STAU2: variants seen among roughly 807,000 people sequenced by gnomAD.
STAU2 encodes double-stranded RNA-binding protein Staufen homolog 2.
In STAU2, 20 loss-of-function variants were observed where a neutral mutation model predicts 65.9. The observed-to-expected ratio is 0.30, with a 90% CI of 0.21 to 0.44. The LOEUF is 0.44. STAU2 is among the 20% of genes least tolerant of loss of function. STAU2 has a pLI of 1.00. For missense variants in STAU2, 558 were observed against 683.9 expected, an observed-to-expected ratio of 0.82 and a Z score of 2.05; for synonymous variants, 232 against 233.9, an observed-to-expected ratio of 0.99 and a Z score of 0.07.
At chr8:73,664,334 T>C (rs1817072903) in intron 6 of STAU2, among the ~76,000 whole-genome samples, 1 of 152,178 alleles carries the variant, frequency 6.6e-6, no homozygotes, top group South Asian at 2.1e-4. Context: ...TTAAGTATAA[T>C]GTTGAACAGA....
intron 13 of STAU2, among the ~76,000 whole-genome samples, chr8:73,492,625 T>A (rs1292932744): frequency 6.6e-6 from 1 of 151,896 alleles, no homozygotes; most frequent in Non-Finnish European, 1.5e-5. Context: ...ATTCTTGTTA[T>A]TAAAATTCAT....
intron 12 of STAU2, among the ~76,000 whole-genome samples, chr8:73,577,991 C>T (rs188158750): frequency 2.0e-5 from 3 of 151,988 alleles, no homozygotes; most frequent in African/African-American, 4.8e-5. Flanking sequence ...TTTTCTTATG[C>T]GGCTCCTTGA....
intron 6 of STAU2, among the ~76,000 whole-genome samples, chr8:73,654,654 A>AAAAAAAAAAAAAAAAAAAAAAAAAAAC (rs1816174142): frequency 7.1e-6 from 1 of 141,206 alleles, no homozygotes; most frequent in Non-Finnish European, 1.5e-5. Context: ...AAAAAAAAAA[A>AAAAAAAAAAAAAAAAAAAAAAAAAAAC]AAAAAAAGAA....
At chr8:73,654,637 CAAAAAAAAAAAAAA>C (rs71269928) in intron 6 of STAU2, among the ~76,000 whole-genome samples, 1 of 26,308 alleles carries the variant, frequency 3.8e-5, no homozygotes, top group African/African-American at 1.3e-4. Context: ...AAGATTGTCT[CAAAAAAAAAAAAAA>C]AAAAAAAAAA....
intron 13 of STAU2, among the ~76,000 whole-genome samples, chr8:73,465,627 T>C (rs1764397912): frequency 6.6e-6 from 1 of 152,246 alleles, no homozygotes; most frequent in South Asian, 2.1e-4. Flanking sequence ...TTGTTGTGAC[T>C]GATGCTGAAC....
chr8:73,617,412 G>A lies in STAU2; in HGVS notation c.450C>T (p.Leu150=). 1 of 1,613,956 alleles carries A rather than the reference G, an allele frequency of 6.2e-7. No homozygotes were observed. Among genetic ancestry groups the A allele is most frequent in the Non-Finnish European group, 8.5e-7 (1 of 1,179,970 alleles). Residue 150 remains leucine (L), a synonymous_variant, in exon 7 of 15, where the codon CTC becomes CTT. Transcript: ENST00000524300. ...CPVPKIFYVQ[L]TVGNNEFFGE... The stretch of plus-strand genomic sequence containing the variant: ...CAAAAAATTCATTATTTCCTACAGT[G>A]AGCTGAACATAAAAGATCTTAGGCA...
chr8:73,711,582 T>A (rs1820906427), intron 3 of STAU2, among the ~76,000 whole-genome samples: 1 of 152,126 alleles, frequency 6.6e-6, no homozygotes, highest in Non-Finnish European at 1.5e-5. Context: ...AGTGTGAAAA[T>A]TTTATACTAT....
chr8:73,533,880 T>C (rs144715468), intron 13 of STAU2, among the ~76,000 whole-genome samples: 1 of 152,332 alleles, frequency 6.6e-6, no homozygotes, highest in Non-Finnish European at 1.5e-5. Context: ...TGAGTCAAAC[T>C]ACTTCCTGCA....
chr8:73,545,539 T>C (rs984845927), intron 13 of STAU2, among the ~76,000 whole-genome samples: 30 of 152,016 alleles, frequency 2.0e-4, no homozygotes, highest in African/African-American at 7.2e-4. Flanking sequence ...ATTACTAATA[T>C]GATGTTTGAT....
At chr8:73,505,195 T>C (rs2128921748) in intron 13 of STAU2, among the ~76,000 whole-genome samples, 1 of 152,268 alleles carries the variant, frequency 6.6e-6, no homozygotes, top group Middle Eastern at 3.4e-3. Flanking sequence ...GCAGGCTTAA[T>C]CAGAGCTAGA....
At chr8:73,597,669 C>CAAAAAAAA (rs34461371) in intron 10 of STAU2, among the ~76,000 whole-genome samples, 2 of 55,862 alleles carry the variant, frequency 3.6e-5, no homozygotes, top group African/African-American at 1.4e-4. Context: ...GTCTCTGTCT[C>CAAAAAAAA]AAAAAAAAAA....
At chr8:73,654,763 T>C (rs1188074574) in intron 6 of STAU2, among the ~76,000 whole-genome samples, 2 of 125,598 alleles carry the variant, frequency 1.6e-5, no homozygotes, top group Non-Finnish European at 3.2e-5. Flanking sequence ...CTCGACTCAC[T>C]GCAAGCTCCG....
chr8:73,500,471 C>A (rs1017961270), intron 13 of STAU2, among the ~76,000 whole-genome samples: 1 of 151,600 alleles, frequency 6.6e-6, no homozygotes, highest in Non-Finnish European at 1.5e-5. Flanking sequence ...GTTAAATTAT[C>A]CCTAGTATTA....
intron 13 of STAU2, among the ~76,000 whole-genome samples, chr8:73,530,603 G>A (rs1278768320): frequency 1.3e-5 from 2 of 152,150 alleles, no homozygotes. Context: ...TGAAACTGTA[G>A]GCCCTTTTTG....
At chr8:73,638,932 G>C (rs959941623) in intron 6 of STAU2, among the ~76,000 whole-genome samples, 2 of 150,710 alleles carry the variant, frequency 1.3e-5, no homozygotes, top group Non-Finnish European at 3.0e-5. Flanking sequence ...AACAGAAATA[G>C]TTGATTAATA....
intron 6 of STAU2, among the ~76,000 whole-genome samples, chr8:73,658,023 T>A (rs981372935): frequency 3.4e-5 from 5 of 146,746 alleles, no homozygotes; most frequent in Admixed American, 1.4e-4. Flanking sequence ...AAAAAAAAAA[T>A]ATTTAAAAGG....
Position 73,613,785 on chromosome 8 carries a change from G to A in STAU2, c.850C>T (p.Pro284Ser). Residue 284 changes from proline (P) to serine (S), a missense_variant, in exon 9 of 15, where the codon CCA becomes TCA. Pro to Ser is a moderately conservative substitution (Grantham distance 74). Coordinates refer to ENST00000524300, the MANE Select transcript of STAU2 (RefSeq NM_001164380.2). ...GGGCGTTTTTTAAAAAATAGTTTTG[G>A]CTTTTCCACCACAGGAAGAGGTGGA... ...KLPPLPVVEKPKLFFKKRPKT... is the reference protein window; with the variant it reads ...KLPPLPVVEKSKLFFKKRPKT... 3 of 1,612,782 alleles carry A rather than the reference G, an allele frequency of 1.9e-6. No homozygotes were observed. Among genetic ancestry groups the A allele is most frequent in the Non-Finnish European group, 2.5e-6 (3 of 1,179,608 alleles).
rs555558864 is a variant in STAU2 at position 73,587,016 on chromosome 8, A to G, written c.1162-4186T>C. Reference sequence around the variant, plus strand: ...GATTAAAACTCAAATGTCCAACACAATTTATCAAATACACATATAAAATAC... The same window carrying G: ...GATTAAAACTCAAATGTCCAACACAGTTTATCAAATACACATATAAAATAC... On this transcript the variant is annotated intron_variant, in intron 11 of 14. Transcript: ENST00000524300. Among the ~76,000 whole-genome samples, 143 of 151,720 alleles carry G rather than the reference A, an allele frequency of 9.4e-4. 1 individual carries two copies. Among genetic ancestry groups the G allele is most frequent in the African/African-American group, 3.3e-3 (136 of 41,022 alleles).
intron 5 of STAU2, among the ~76,000 whole-genome samples, chr8:73,687,869 G>T (rs560055615): frequency 6.6e-6 from 1 of 151,460 alleles, no homozygotes; most frequent in Non-Finnish European, 1.5e-5. Flanking sequence ...CCGCCACCAT[G>T]TCCAGCTAAT....
Sources: allele counts gnomAD v4.1 joint callset (sites outside exome capture counted in the v4.1 genomes callset), GRCh38; gene constraint gnomAD v4.1.1; transcripts MANE v1.5; gene names NCBI Gene and HGNC (gene_info 2026-07-23, HGNC 2026-07-21).